Variants in SYT9 observed in about 807,000 individuals in gnomAD.
SYT9 encodes the protein synaptotagmin 9.
In SYT9, 22 loss-of-function variants were observed where a neutral mutation model predicts 48.4. That is an observed-to-expected ratio of 0.45 (90% CI 0.32 to 0.65). The LOEUF (loss-of-function observed/expected upper bound fraction) is 0.65. Among genes scored for constraint, SYT9 ranks in the 30% least tolerant of loss-of-function variants. The pLI, the probability that SYT9 is intolerant of heterozygous loss-of-function variation, is 0.03. For missense variants in SYT9, 577 were observed against 622.0 expected (o/e 0.93, Z 0.77); for synonymous variants, 265 against 245.0 (o/e 1.08, Z -0.76).
chr11:7,357,068 T>A (rs1296318717), intron 3 of SYT9, among the ~76,000 whole-genome samples: 1 of 152,120 alleles, frequency 6.6e-6, no homozygotes, highest in East Asian at 1.9e-4. Context: ...GAACTAGCAT[T>A]TATGGTGAGG....
At chr11:7,394,110 C>A (rs570714648) in intron 3 of SYT9, among the ~76,000 whole-genome samples, 72 of 151,908 alleles carry the variant, frequency 4.7e-4, no homozygotes, top group Admixed American at 2.9e-3. Flanking sequence ...ATCCCTCCCC[C>A]CTTCCCCCAC....
chr11:7,410,637 A>C (rs1346100505), intron 3 of SYT9, among the ~76,000 whole-genome samples: 1 of 152,068 alleles, frequency 6.6e-6, no homozygotes, highest in East Asian at 1.9e-4. Context: ...TTTTGACCTA[A>C]AGTCTGTTTG....
Position 7,416,157 on chromosome 11 carries a change from C to A in SYT9, c.1160C>A (p.Ala387Glu), listed in dbSNP as rs913163145. ...RNLKAMDITGASDPYVKVSLM... is the reference protein window; with the variant it reads ...RNLKAMDITGESDPYVKVSLM... ...TTAAAGGCAATGGACATAACAGGAG[C>A]ATCAGGTGGGGCATTTTCAAATTCA... The change falls in exon 4 of 7, where the codon GCA becomes GAA. Residue 387 changes from alanine (A) to glutamate (E), a missense_variant. Ala to Glu is a moderately radical substitution (Grantham distance 107, BLOSUM62 -1). Coordinates refer to ENST00000318881, the MANE Select transcript of SYT9 (RefSeq NM_175733.4). 5.0e-6 allele frequency: 8 copies of A among 1,614,136 alleles called. No homozygotes were observed. In the East Asian group the frequency reaches 1.8e-4, roughly 36 times the overall value.
chr11:7,293,640 A>G (rs74053703), intron 1 of SYT9, among the ~76,000 whole-genome samples: 2,895 of 152,292 alleles, frequency 0.019, 93 homozygotes, highest in African/African-American at 0.066. Context: ...TTTCAGAAGA[A>G]CCACATAATA....
chr11:7,391,023 C>T (rs1321574757), intron 3 of SYT9, among the ~76,000 whole-genome samples: 1 of 152,078 alleles, frequency 6.6e-6, no homozygotes, highest in Non-Finnish European at 1.5e-5. Context: ...GTCCCCATGT[C>T]TATGTCCATG....
chr11:7,348,900 G>A (rs1849854717), intron 3 of SYT9, among the ~76,000 whole-genome samples: 1 of 151,660 alleles, frequency 6.6e-6, no homozygotes, highest in Non-Finnish European at 1.5e-5. Flanking sequence ...AGGTGTGACT[G>A]GTTCTGGAGA....
intron 1 of SYT9, among the ~76,000 whole-genome samples, chr11:7,297,479 A>T (rs1231140033): frequency 1.3e-5 from 2 of 152,192 alleles, no homozygotes; most frequent in Admixed American, 1.3e-4. Flanking sequence ...ATAATCTCTA[A>T]TATTATTACA....
In SYT9 at chr11:7,259,135, G is replaced by C. The variant is rs569415014; in HGVS notation, c.145+6804G>C. Among the ~76,000 whole-genome samples the C allele has an allele frequency of 5.3e-5, 8 of 152,186 alleles. No individual in the cohort carries two copies. In the East Asian group the frequency reaches 1.2e-3, roughly 22 times the overall value. ...AACTGGGCATCCTATATTTTTATTT[G>C]TGATGCTGACAACCCTATACTAGTA... On this transcript the variant is annotated intron_variant, in intron 1 of 6. Transcript: ENST00000318881.
At chr11:7,272,154 T>G (rs1183453069) in intron 1 of SYT9, among the ~76,000 whole-genome samples, 1 of 152,194 alleles carries the variant, frequency 6.6e-6, no homozygotes, top group Non-Finnish European at 1.5e-5. Context: ...CTTAATTTTC[T>G]TATCTGCAAA....
intron 3 of SYT9, among the ~76,000 whole-genome samples, chr11:7,341,193 G>T (rs1256341436): frequency 1.3e-5 from 2 of 152,190 alleles, no homozygotes; most frequent in Admixed American, 1.3e-4. Flanking sequence ...CTGCTGTGCT[G>T]TACTGGAGGA....
At chr11:7,406,955 C>G (rs914985632) in intron 3 of SYT9, among the ~76,000 whole-genome samples, 1 of 152,208 alleles carries the variant, frequency 6.6e-6, no homozygotes, top group East Asian at 1.9e-4. Flanking sequence ...TGATGCTGAG[C>G]ATTTTTTCAT....
intron 1 of SYT9, among the ~76,000 whole-genome samples, chr11:7,280,346 T>C (rs756546254): frequency 2.0e-5 from 3 of 152,244 alleles, no homozygotes; most frequent in Admixed American, 2.0e-4. Context: ...TATGAACAAG[T>C]AAGAGGAAAG....
chr11:7,446,697 G>T (rs1170630645), intron 6 of SYT9, among the ~76,000 whole-genome samples: 1 of 152,244 alleles, frequency 6.6e-6, no homozygotes, highest in Non-Finnish European at 1.5e-5. Flanking sequence ...GGGGAAGCAG[G>T]AGGGGATGCC....
intron 3 of SYT9, among the ~76,000 whole-genome samples, chr11:7,376,559 G>T (rs1850458895): frequency 6.6e-6 from 1 of 151,996 alleles, no homozygotes; most frequent in African/African-American, 2.4e-5. Context: ...GGCTACTCTG[G>T]TGCCCTAGTT....
Position 7,254,266 on chromosome 11 carries a change from GC to G in SYT9, c.145+1939del, listed in dbSNP as rs527686931. ...CACAAGGGTTTTGAAGTAGCCCCAT[GC>G]CCCTGTGGCTCTTTGGTTTTTGTTG... On this transcript the variant is annotated intron_variant, in intron 1 of 6. Coordinates refer to ENST00000318881, the MANE Select transcript of SYT9 (RefSeq NM_175733.4). 9.9e-5 allele frequency among the ~76,000 whole-genome samples: 15 copies of G among 152,282 alleles called. No individual in the cohort carries two copies. The South Asian group carries it at 3.1e-3, about 32-fold the overall frequency.
chr11:7,439,335 A>T (rs1847780804), intron 6 of SYT9: 1 of 152,284 alleles, frequency 6.6e-6, no homozygotes, highest in African/African-American at 2.4e-5. Context: ...TCCAGCAGAC[A>T]AAGAAAAGGA....
Position 7,313,387 on chromosome 11 carries a change from C to A in SYT9, c.498-8C>A. The stretch of plus-strand genomic sequence containing the variant: ...TATAACTTTGTTCTGTGTTGCTCTT[C>A]ATTCAAGGCATAATTCAATCCGAAG... On this transcript the variant is annotated splice_region_variant and splice_polypyrimidine_tract_variant and intron_variant, in intron 2 of 6. Transcript: ENST00000318881. 1 of 1,599,476 alleles carries A rather than the reference C, an allele frequency of 6.3e-7. No homozygotes were observed. The highest frequency in any genetic ancestry group is 1.1e-5 in the South Asian group (1 of 87,698).
intron 3 of SYT9, among the ~76,000 whole-genome samples, chr11:7,333,549 C>G (rs1446970127): frequency 1.3e-5 from 2 of 152,168 alleles, no homozygotes. Flanking sequence ...TGCTAACCTT[C>G]TTTTATAAAA....
At chr11:7,317,145 A>G (rs1358874609) in intron 3 of SYT9, among the ~76,000 whole-genome samples, 1 of 152,140 alleles carries the variant, frequency 6.6e-6, no homozygotes, top group African/African-American at 2.4e-5. Context: ...AAATTAGCGC[A>G]TTTGTGTCCT....
Sources: gnomAD v4.1 joint callset for allele counts (sites outside exome capture counted in the v4.1 genomes callset) on GRCh38, gnomAD v4.1.1 for gene constraint, MANE v1.5 for transcripts, NCBI Gene and HGNC (gene_info 2026-07-23, HGNC 2026-07-21) for gene names.